The following NPAS3 variants were observed in gnomAD, a reference collection of about 807,000 sequenced individuals.
NPAS3 encodes the protein neuronal PAS domain protein 3.
In NPAS3, 14 loss-of-function variants were observed where a neutral mutation model predicts 73.1. The ratio of observed to expected loss-of-function variants is 0.19; its 90% CI spans 0.13 to 0.30. The LOEUF is 0.30. Ranked by LOEUF, NPAS3 falls within the 10% of genes least tolerant of loss-of-function variation. The pLI is 1.00. For synonymous variants in NPAS3, 620 were observed against 541.5 expected (o/e 1.14, Z -2.01); for missense variants, 1,096 against 1,250.0 (o/e 0.88, Z 1.86).
chr14:33,180,799 C>CA (rs1555350930), intron 2 of NPAS3, among the ~76,000 whole-genome samples: 17,211 of 69,156 alleles, frequency 0.25, 3,280 homozygotes, highest in Non-Finnish European at 0.31. Flanking sequence ...ACACTGTCTC[C>CA]AAGAAAAAAA....
At chr14:33,675,736 A>T (rs1343378524) in intron 5 of NPAS3, among the ~76,000 whole-genome samples, 3 of 152,222 alleles carry the variant, frequency 2.0e-5, no homozygotes, top group Non-Finnish European at 4.4e-5. Context: ...GATATGTATA[A>T]AAACACATCT....
At chr14:33,531,837 C>G (rs1003095351) in intron 4 of NPAS3, among the ~76,000 whole-genome samples, 2 of 152,098 alleles carry the variant, frequency 1.3e-5, no homozygotes, top group African/African-American at 4.8e-5. Flanking sequence ...TTAGGATTGT[C>G]AGCCTTCTGT....
chr14:33,039,819 T>G (rs952532640), intron 1 of NPAS3, among the ~76,000 whole-genome samples: 8 of 152,334 alleles, frequency 5.3e-5, no homozygotes, highest in Non-Finnish European at 1.2e-4. Flanking sequence ...CACAGGGGCC[T>G]GGGGTCTGGG....
chr14:33,131,591 T>C (rs2043636350), intron 2 of NPAS3, among the ~76,000 whole-genome samples: 1 of 152,288 alleles, frequency 6.6e-6, no homozygotes, highest in African/African-American at 2.4e-5. Context: ...CAGCTATTAG[T>C]TTATAGTCCC....
At chr14:33,370,339 C>A (rs72680126) in intron 4 of NPAS3, among the ~76,000 whole-genome samples, 4,224 of 152,078 alleles carry the variant, frequency 0.028, 200 homozygotes, top group Admixed American at 0.097. Flanking sequence ...GTTTATTAGG[C>A]AAAGAAAAGG....
chr14:33,112,404 A>G (rs932185473), intron 2 of NPAS3, among the ~76,000 whole-genome samples: 1 of 152,112 alleles, frequency 6.6e-6, no homozygotes, highest in Non-Finnish European at 1.5e-5. Context: ...TTTGATTTGC[A>G]TTTCTCTGAT....
intron 5 of NPAS3, among the ~76,000 whole-genome samples, chr14:33,671,145 C>CT (rs1366381768): frequency 1.3e-5 from 2 of 152,128 alleles, no homozygotes; most frequent in African/African-American, 2.4e-5. Context: ...TCACTGCCTA[C>CT]TCCTCATCTG....
intron 1 of NPAS3, among the ~76,000 whole-genome samples, chr14:32,994,579 A>T (rs1378309801): frequency 9.4e-6 from 1 of 106,122 alleles, no homozygotes; most frequent in African/African-American, 4.1e-5. Flanking sequence ...AACTTAAATT[A>T]AAAAAAAAAA....
chr14:33,039,076 C>T (rs191922103), intron 1 of NPAS3, among the ~76,000 whole-genome samples: 7 of 152,236 alleles, frequency 4.6e-5, no homozygotes, highest in South Asian at 4.1e-4. Context: ...CATGAAGCCA[C>T]GACCAAGAAT....
intron 1 of NPAS3, among the ~76,000 whole-genome samples, chr14:33,031,816 T>C (rs1464519294): frequency 6.6e-6 from 1 of 152,266 alleles, no homozygotes; most frequent in African/African-American, 2.4e-5. Context: ...CCATGTGTTT[T>C]GTGAACATCT....
chr14:33,187,483 T>A (rs1274597584), intron 2 of NPAS3, among the ~76,000 whole-genome samples: 1 of 99,738 alleles, frequency 1.0e-5, no homozygotes, highest in Non-Finnish European at 2.0e-5. Flanking sequence ...CTGATAGCTC[T>A]GGACTTAAAA....
intron 5 of NPAS3, among the ~76,000 whole-genome samples, chr14:33,597,503 T>C (rs1196135943): frequency 6.6e-6 from 1 of 152,360 alleles, no homozygotes; most frequent in South Asian, 2.1e-4. Context: ...TAAAAATGTC[T>C]CATGGCATCT....
intron 2 of NPAS3, among the ~76,000 whole-genome samples, chr14:33,117,347 A>C (rs1344188077): frequency 6.6e-6 from 1 of 151,916 alleles, no homozygotes. Flanking sequence ...CTTACCTGAA[A>C]CTGACTGCTG....
rs3059406 is a variant in NPAS3 at position 33,655,331 on chromosome 14, CTTTTTTTTTTTTT to C, written c.559-20868_559-20856del. On this transcript the variant is annotated intron_variant, in intron 5 of 11. Coordinates refer to ENST00000356141, the Ensembl canonical transcript of NPAS3. ...ACTTTTTCTCTATATACCTTTGGCT[CTTTTTTTTTTTTT>C]TTTTTTTTTTTAACAGCAAGTGAAC... 7.5e-3 allele frequency among the ~76,000 whole-genome samples: 793 copies of C among 105,908 alleles called. 3 individuals carry two copies. The highest frequency in any genetic ancestry group is 0.026 in the South Asian group (79 of 3,092). The allele number at this position is 105,908 out of a possible 152,430, so 69.5% of individuals were successfully genotyped here. A position where few individuals can be genotyped will look rare whatever the true frequency, so the allele number is the denominator to read the frequency against.
chr14:33,137,952 G>T (rs2043899870), intron 2 of NPAS3, among the ~76,000 whole-genome samples: 1 of 152,082 alleles, frequency 6.6e-6, no homozygotes. Context: ...TCTGGTAGGT[G>T]TGGAGGGTTT....
intron 7 of NPAS3, among the ~76,000 whole-genome samples, chr14:33,744,257 C>T (rs140213685): frequency 2.0e-5 from 3 of 152,192 alleles, no homozygotes; most frequent in Non-Finnish European, 2.9e-5. Context: ...CACTTAAAGG[C>T]CATGCTAGGG....
rs376467801 is a variant in NPAS3 at position 33,289,521 on chromosome 14, C to T, written c.385+74095C>T. Among the ~76,000 whole-genome samples the T allele has an allele frequency of 3.9e-5, 6 of 152,086 alleles. 1 individual carries two copies. In the East Asian group the frequency reaches 9.6e-4, roughly 24 times the overall value. Reference sequence around the variant, plus strand: ...GGCCCTTTTAAAACCTGAAAGATGGCTTTAGTAATCTATCCTTGGCCAGGT... The same window carrying T: ...GGCCCTTTTAAAACCTGAAAGATGGTTTTAGTAATCTATCCTTGGCCAGGT... On this transcript the variant is annotated intron_variant, in intron 3 of 11. Coordinates refer to ENST00000356141, the Ensembl canonical transcript of NPAS3.
intron 1 of NPAS3, among the ~76,000 whole-genome samples, chr14:33,043,683 G>A (rs138008966): frequency 4.7e-4 from 71 of 152,236 alleles, no homozygotes; most frequent in Non-Finnish European, 8.8e-4. Flanking sequence ...TCTTACTGCA[G>A]TTTGAGGTGG....
chr14:33,312,606 C>A (rs908195422), intron 3 of NPAS3, among the ~76,000 whole-genome samples: 2 of 152,032 alleles, frequency 1.3e-5, no homozygotes, highest in African/African-American at 4.8e-5. Context: ...TTACCGATCA[C>A]GTCTTTAGTA....
Sources: gnomAD v4.1 joint callset for allele counts (sites outside exome capture counted in the v4.1 genomes callset) on GRCh38, gnomAD v4.1.1 for gene constraint, MANE v1.5 for transcripts, NCBI Gene and HGNC (gene_info 2026-07-23, HGNC 2026-07-21) for gene names.